OR1J2: variants seen among roughly 807,000 people sequenced by gnomAD.
OR1J2 encodes the protein olfactory receptor 1J2.
For missense variants in OR1J2, 304 were observed against 246.1 expected, an observed-to-expected ratio of 1.24 and a Z score of -1.57; for synonymous variants, 142 against 99.7, an observed-to-expected ratio of 1.42 and a Z score of -2.52.
At chr9:122,553,395 A>T in the OR1J2 span, 1 of 1,614,020 alleles carries the variant, frequency 6.2e-7, no homozygotes, top group Non-Finnish European at 8.5e-7. Context: ...CCATACTCCC[A>T]TGTACTTCTT....
At chr9:122,514,691 C>T (rs1010737948), downstream of OR1J2, among the ~76,000 whole-genome samples, 1 of 152,098 alleles carries the variant, frequency 6.6e-6, no homozygotes, top group Non-Finnish European at 1.5e-5. Context: ...GTTTTATAAG[C>T]AGCAAACCAA....
the OR1J2 span, among the ~76,000 whole-genome samples, chr9:122,540,445 T>G: frequency 6.6e-6 from 1 of 152,200 alleles, no homozygotes; most frequent in Non-Finnish European, 1.5e-5. Flanking sequence ...GCATTATTTC[T>G]GAGGGCTCTG....
At chr9:122,465,564 A>G in the OR1J2 span, among the ~76,000 whole-genome samples, 1 of 152,216 alleles carries the variant, frequency 6.6e-6, no homozygotes, top group African/African-American at 2.4e-5. Flanking sequence ...GAGCTCCCCA[A>G]ACTTGTTTTG....
At chr9:122,560,616 G>C in the OR1J2 span, among the ~76,000 whole-genome samples, 1 of 152,064 alleles carries the variant, frequency 6.6e-6, no homozygotes. Flanking sequence ...GAAATTCTGC[G>C]TTGAAAATTC....
chr9:122,504,366 C>A, the OR1J2 span, among the ~76,000 whole-genome samples: 1 of 152,176 alleles, frequency 6.6e-6, no homozygotes, highest in Admixed American at 6.5e-5. Flanking sequence ...TCAGATGATC[C>A]AATTAGCATG....
chr9:122,487,458 AAC>A, the OR1J2 span, among the ~76,000 whole-genome samples: 56,562 of 148,776 alleles, frequency 0.38, 10,703 homozygotes, highest in East Asian at 0.55. Context: ...GGAGATGATT[AAC>A]ACACACACAC....
chr9:122,532,582 T>A, the OR1J2 span, among the ~76,000 whole-genome samples: 1 of 144,790 alleles, frequency 6.9e-6, no homozygotes, highest in African/African-American at 2.6e-5. Context: ...TGAATACAGC[T>A]GAAGGAGCTG....
chr9:122,501,820 A>G, the OR1J2 span, among the ~76,000 whole-genome samples: 1 of 152,228 alleles, frequency 6.6e-6, no homozygotes, highest in East Asian at 1.9e-4. Context: ...TTTATTTGAG[A>G]ATCAAAGGAA....
At chr9:122,521,332 C>T in the OR1J2 span, among the ~76,000 whole-genome samples, 2 of 152,168 alleles carry the variant, frequency 1.3e-5, no homozygotes, top group Non-Finnish European at 2.9e-5. Context: ...AAAGCAATAA[C>T]CTGCCCTAGG....
downstream of OR1J2, among the ~76,000 whole-genome samples, chr9:122,516,598 C>A (rs533372992): frequency 6.6e-6 from 1 of 152,098 alleles, no homozygotes; most frequent in Non-Finnish European, 1.5e-5. Flanking sequence ...CCACCGCGCC[C>A]GGCCCATACA....
At chr9:122,580,292 C>T in the OR1J2 span, among the ~76,000 whole-genome samples, 1 of 152,052 alleles carries the variant, frequency 6.6e-6, no homozygotes, top group Non-Finnish European at 1.5e-5. Context: ...ATATTGAGGA[C>T]TCTAACTGTA....
At chr9:122,555,935 G>A in the OR1J2 span, among the ~76,000 whole-genome samples, 1 of 152,120 alleles carries the variant, frequency 6.6e-6, no homozygotes, top group African/African-American at 2.4e-5. Context: ...TGCATTCTGT[G>A]GGTTTTGACA....
downstream of OR1J2, among the ~76,000 whole-genome samples, chr9:122,513,727 G>A (rs1355468757): frequency 6.6e-6 from 1 of 151,594 alleles, no homozygotes; most frequent in African/African-American, 2.4e-5. Context: ...GGTGTGTGAT[G>A]TTCCCCTCCC....
At chr9:122,452,774 A>G in the OR1J2 span, among the ~76,000 whole-genome samples, 1 of 152,086 alleles carries the variant, frequency 6.6e-6, no homozygotes, top group East Asian at 1.9e-4. Flanking sequence ...CACGCCTGTA[A>G]TCTCAGCACT....
the OR1J2 span, among the ~76,000 whole-genome samples, chr9:122,486,780 G>A: frequency 6.6e-6 from 1 of 152,182 alleles, no homozygotes; most frequent in Non-Finnish European, 1.5e-5. Flanking sequence ...ATTCAATCCT[G>A]TGTTTGTCTG....
chr9:122,489,496 C>G, the OR1J2 span, among the ~76,000 whole-genome samples: 3 of 151,988 alleles, frequency 2.0e-5, no homozygotes, highest in Non-Finnish European at 4.4e-5. Context: ...GGGTCTGGGA[C>G]CCTAGCTCTT....
chr9:122,455,818 T>G, the OR1J2 span, among the ~76,000 whole-genome samples: 1 of 152,164 alleles, frequency 6.6e-6, no homozygotes, highest in Non-Finnish European at 1.5e-5. Flanking sequence ...TTGTAAAAAT[T>G]TTATACTTTT....
the OR1J2 span, among the ~76,000 whole-genome samples, chr9:122,493,878 G>A: frequency 1.3e-5 from 2 of 151,918 alleles, no homozygotes; most frequent in Non-Finnish European, 2.9e-5. Flanking sequence ...TATCCCAGAG[G>A]TTTTGATAGA....
the OR1J2 span, among the ~76,000 whole-genome samples, chr9:122,530,342 C>T: frequency 1.3e-5 from 2 of 152,152 alleles, no homozygotes; most frequent in Non-Finnish European, 2.9e-5. Flanking sequence ...AATCCTGAAC[C>T]AATAAACTCA....
Sources: gnomAD v4.1 joint callset for allele counts (sites outside exome capture counted in the v4.1 genomes callset) on GRCh38, gnomAD v4.1.1 for gene constraint, MANE v1.5 for transcripts, NCBI Gene and HGNC (gene_info 2026-07-23, HGNC 2026-07-21) for gene names.